PIGK: variants seen among roughly 807,000 people sequenced by gnomAD.
PIGK encodes the protein phosphatidylinositol glycan anchor biosynthesis class K.
PIGK carries 42 observed loss-of-function variants against 50.6 expected under a neutral mutation model. The observed-to-expected ratio is 0.83, with a 90% CI of 0.65 to 1.07. The LOEUF (loss-of-function observed/expected upper bound fraction) is 1.07, where lower values mean the gene tolerates loss of function less well. Among genes scored for constraint, PIGK ranks in the 50% least tolerant of loss-of-function variants. The pLI, the probability that PIGK is intolerant of heterozygous loss-of-function variation, is 0.00. For missense variants in PIGK, 448 were observed against 488.7 expected, an observed-to-expected ratio of 0.92 and a Z score of 0.78; for synonymous variants, 151 against 156.0, an observed-to-expected ratio of 0.97 and a Z score of 0.24.
rs2100594131 is a variant in PIGK, at chr1:77,219,375, C to A, written c.28G>T (p.Ala10Ser). 3 of 1,613,780 alleles carry A rather than the reference C, an allele frequency of 1.9e-6. No homozygotes were observed. The highest frequency in any genetic ancestry group is 2.7e-5 in the African/African-American group (2 of 75,052). The change falls in exon 1 of 11, where the codon GCT becomes TCT. Residue 10 changes from alanine (A) to serine (S), a missense_variant. Ala to Ser is a moderately conservative substitution (Grantham distance 99, BLOSUM62 1). Transcript: ENST00000370812. MAVTDSLSR[A>S]ATVLATVLLL... ...AACACAGTTGCCAAGACAGTCGCAG[C>A]CCGGCTGAGGCTGTCGGTGACGGCC...
At chr1:77,094,860 C>A (rs933808112) in intron 10 of PIGK, among the ~76,000 whole-genome samples, 4 of 152,106 alleles carry the variant, frequency 2.6e-5, no homozygotes, top group African/African-American at 9.7e-5. Context: ...CACATCTAGA[C>A]CGCTGATGGC....
At chr1:77,108,837 C>A (rs969173669) in intron 10 of PIGK, among the ~76,000 whole-genome samples, 1 of 152,098 alleles carries the variant, frequency 6.6e-6, no homozygotes, top group South Asian at 2.1e-4. Flanking sequence ...TCATTTTATT[C>A]ATTTGATCTT....
At chr1:77,107,509 C>A (rs539891990) in intron 10 of PIGK, among the ~76,000 whole-genome samples, 2 of 152,090 alleles carry the variant, frequency 1.3e-5, no homozygotes, top group Non-Finnish European at 2.9e-5. Flanking sequence ...TTACTTCCAA[C>A]TATGTGGTCA....
chr1:77,094,360 A>G (rs1653362984), intron 10 of PIGK, among the ~76,000 whole-genome samples: 1 of 152,164 alleles, frequency 6.6e-6, no homozygotes, highest in African/African-American at 2.4e-5. Flanking sequence ...AGTTAAATAC[A>G]TATTGTCAAA....
intron 3 of PIGK, among the ~76,000 whole-genome samples, chr1:77,192,668 G>T (rs1655937473): frequency 6.6e-6 from 1 of 152,044 alleles, no homozygotes; most frequent in Non-Finnish European, 1.5e-5. Context: ...CAGAGTTCTG[G>T]ATAAGAAACT....
At chr1:77,184,111 G>A (rs894575028) in intron 3 of PIGK, among the ~76,000 whole-genome samples, 3 of 152,132 alleles carry the variant, frequency 2.0e-5, no homozygotes, top group Non-Finnish European at 4.4e-5. Flanking sequence ...AGCTGTCAAA[G>A]GAAAGGTAGG....
At chr1:77,210,232 A>G (rs951723683) in intron 2 of PIGK, among the ~76,000 whole-genome samples, 3 of 152,062 alleles carry the variant, frequency 2.0e-5, no homozygotes, top group African/African-American at 7.2e-5. Context: ...TCAGATCACC[A>G]CTTGACAGAT....
chr1:77,170,110 T>C (rs1214299967), intron 3 of PIGK, among the ~76,000 whole-genome samples: 3 of 152,226 alleles, frequency 2.0e-5, no homozygotes, highest in Non-Finnish European at 4.4e-5. Flanking sequence ...CAGAGTGATC[T>C]TCCTTAAATA....
At chr1:77,173,985 C>A (rs534468045) in intron 3 of PIGK, among the ~76,000 whole-genome samples, 1 of 152,282 alleles carries the variant, frequency 6.6e-6, no homozygotes, top group South Asian at 2.1e-4. Flanking sequence ...CAGTTAAAAG[C>A]CTTTGCAAAC....
intron 10 of PIGK, among the ~76,000 whole-genome samples, chr1:77,104,024 T>TAAA (rs11450309): frequency 2.2e-5 from 3 of 138,112 alleles, no homozygotes; most frequent in Non-Finnish European, 1.6e-5. Flanking sequence ...GGGGCTATCT[T>TAAA]AAAAAAAAAA....
At chr1:77,169,869 C>A (rs1655322393) in intron 3 of PIGK, among the ~76,000 whole-genome samples, 1 of 152,200 alleles carries the variant, frequency 6.6e-6, no homozygotes, top group African/African-American at 2.4e-5. Flanking sequence ...AAGAATTTAA[C>A]TTTCAGAATC....
At position 77,219,379 on chromosome 1, in the gene PIGK, G is replaced by A. The variant is rs1284225637; in HGVS notation, c.24C>T (p.Ser8=). The A allele has an allele frequency of 1.2e-6, 2 of 1,613,500 alleles. No individual in the cohort carries two copies. Among genetic ancestry groups the A allele is most frequent in the Admixed American group, 1.7e-5 (1 of 59,986 alleles). ...CAGTTGCCAAGACAGTCGCAGCCCG[G>A]CTGAGGCTGTCGGTGACGGCCATGT... MAVTDSL[S]RAATVLATVL... The change falls in exon 1 of 11, where the codon AGC becomes AGT. Residue 8 remains serine, a synonymous_variant. Coordinates refer to ENST00000370812, the MANE Select transcript of PIGK (RefSeq NM_005482.3).
intron 1 of PIGK, among the ~76,000 whole-genome samples, chr1:77,217,522 G>C (rs1656596200): frequency 6.6e-6 from 1 of 152,100 alleles, no homozygotes; most frequent in Non-Finnish European, 1.5e-5. Flanking sequence ...ATGGTGGAGA[G>C]TTTAGAGCAA....
At chr1:77,172,360 T>A (rs1655386113) in intron 3 of PIGK, among the ~76,000 whole-genome samples, 1 of 152,188 alleles carries the variant, frequency 6.6e-6, no homozygotes, top group South Asian at 2.1e-4. Flanking sequence ...TGTTTCTGTA[T>A]CTCACTTCCA....
chr1:77,138,566 G>A (rs1654574575), intron 9 of PIGK, among the ~76,000 whole-genome samples: 1 of 152,158 alleles, frequency 6.6e-6, no homozygotes, highest in African/African-American at 2.4e-5. Context: ...TTAGGTAAAG[G>A]ACCCAGCCAA....
intron 3 of PIGK, among the ~76,000 whole-genome samples, chr1:77,200,199 A>G (rs1034246980): frequency 6.6e-6 from 1 of 152,138 alleles, no homozygotes; most frequent in African/African-American, 2.4e-5. Context: ...AGGGACTAGA[A>G]GCAGGGAATA....
At chr1:77,161,443 C>T (rs773547529) in intron 7 of PIGK, 38 bp from the exon 8 acceptor site, 14 of 1,209,526 alleles carry the variant, frequency 1.2e-5, no homozygotes, top group Non-Finnish European at 1.6e-5. Flanking sequence ...CTAACAGTAT[C>T]ATTATAACAA....
chr1:77,219,280 C>G, intron 1 of PIGK, 30 bp downstream of exon 1: 1 of 1,587,440 alleles, frequency 6.3e-7, no homozygotes, highest in Non-Finnish European at 8.6e-7. Flanking sequence ...GCCGGCCTCC[C>G]GGCTGTGGTC....
At chr1:77,110,531 T>C (rs1653813802) in intron 10 of PIGK, among the ~76,000 whole-genome samples, 1 of 152,164 alleles carries the variant, frequency 6.6e-6, no homozygotes, top group African/African-American at 2.4e-5. Context: ...ATTTAATAAA[T>C]GGTGCTGGGA....
Sources: allele counts gnomAD v4.1 joint callset (sites outside exome capture counted in the v4.1 genomes callset), GRCh38; gene constraint gnomAD v4.1.1; transcripts MANE v1.5; gene names NCBI Gene and HGNC (gene_info 2026-07-23, HGNC 2026-07-21).